The following SLIT1 variants were observed in gnomAD, a reference collection of about 807,000 sequenced individuals.
The protein encoded by SLIT1 is slit guidance ligand 1.
In SLIT1, 66 loss-of-function variants were observed where a neutral mutation model predicts 186.1. The observed-to-expected ratio is 0.35, with a 90% CI of 0.29 to 0.44. The LOEUF is 0.44. SLIT1 is among the 20% of genes least tolerant of loss of function. The pLI, the probability that SLIT1 is intolerant of heterozygous loss-of-function variation, is 1.00. For missense variants in SLIT1, 1,638 were observed against 2,037.4 expected, an observed-to-expected ratio of 0.80 and a Z score of 3.77; for synonymous variants, 761 against 833.8, an observed-to-expected ratio of 0.91 and a Z score of 1.50.
At position 97,043,187 on chromosome 10, in the gene SLIT1, C is replaced by A; in HGVS notation, c.1998-120G>T. ...CCACATGGCACTGTCTCCCAGACCA[C>A]CACCCATCACCAAGAGGACCGGCTC... On this transcript the variant is annotated intron_variant, in intron 19 of 36. Transcript: ENST00000266058. This position sits in a 1 kb window ranked among gnomAD's most constrained non-coding sequence, Gnocchi z 7.0. The A allele has an allele frequency of 1.5e-6, 2 of 1,322,622 alleles. No individual in the cohort carries two copies. Among genetic ancestry groups the A allele is most frequent in the Non-Finnish European group, 2.1e-6 (2 of 948,538 alleles). The allele number at this position is 1,322,622 out of a possible 1,614,324, so 81.9% of individuals were successfully genotyped here. A position where few individuals can be genotyped will look rare whatever the true frequency, so the allele number is the denominator to read the frequency against.
chr10:97,174,575 C>T (rs1362120830), intron 1 of SLIT1, among the ~76,000 whole-genome samples: 4 of 152,218 alleles, frequency 2.6e-5, no homozygotes, highest in Non-Finnish European at 4.4e-5. Context: ...CATGCCAGGG[C>T]CCATTTGCTG....
chr10:97,066,012 C>T lies in SLIT1; in HGVS notation c.485+3G>A, dbSNP rs1438370532. On this transcript the variant is annotated splice_donor_region_variant and intron_variant, in intron 5 of 36. Transcript: ENST00000266058. ...CCCTTCTCCCTCCCAGGCCTGTACT[C>T]ACAAATTTTTAAGGTCCGTAGCTCC... 6.3e-7 allele frequency: 1 copy of T among 1,599,434 alleles called. No homozygotes were observed. Among genetic ancestry groups the T allele is most frequent in the Non-Finnish European group, 8.5e-7 (1 of 1,171,460 alleles).
At chr10:97,042,101 C>G (rs1848695401) in intron 20 of SLIT1, among the ~76,000 whole-genome samples, 1 of 151,592 alleles carries the variant, frequency 6.6e-6, no homozygotes, top group South Asian at 2.1e-4. Flanking sequence ...TAGAAAATAC[C>G]CTGATGGTGT....
chr10:97,082,578 G>A (rs1282009279), intron 4 of SLIT1, among the ~76,000 whole-genome samples: 3 of 152,128 alleles, frequency 2.0e-5, no homozygotes, highest in African/African-American at 7.2e-5. Flanking sequence ...GGGACTACAG[G>A]CGCCCGCCAC....
intron 1 of SLIT1, among the ~76,000 whole-genome samples, chr10:97,168,133 T>C (rs531991305): frequency 6.6e-6 from 1 of 152,188 alleles, no homozygotes; most frequent in Non-Finnish European, 1.5e-5. Flanking sequence ...CAAGGTGACC[T>C]TAGTTTCTTT....
chr10:97,097,017 T>G (rs1419574967), intron 4 of SLIT1, among the ~76,000 whole-genome samples: 4 of 152,152 alleles, frequency 2.6e-5, no homozygotes, highest in African/African-American at 7.2e-5. Flanking sequence ...CCATTTTTTC[T>G]CAGGGATACT....
chr10:97,123,562 GGATCACTTGAGGTCAA>G (rs1395859418), intron 4 of SLIT1, among the ~76,000 whole-genome samples: 1 of 152,102 alleles, frequency 6.6e-6, no homozygotes, highest in African/African-American at 2.4e-5. Context: ...TGAGGCAGGT[GGATCACTTGAGGTCAA>G]GATCACTTTG....
rs143337934 is a variant in SLIT1, at chr10:97,155,291, T to G, written c.413+2527A>C. The G allele has an allele frequency of 8.2e-3, 1,251 of 152,612 alleles. 18 individuals carry two copies. Among genetic ancestry groups the G allele is most frequent in the African/African-American group, 0.029 (1,197 of 41,568 alleles). The allele number at this position is 152,612 out of a possible 1,614,324, so 9.5% of individuals were successfully genotyped here. A position where few individuals can be genotyped will look rare whatever the true frequency, so the allele number is the denominator to read the frequency against. ...TTGACTTTCTGCTTCCCAGGCCACCTTCCATTCCAGGGGGGATCCAGGTTT... is the reference window on the plus strand; with the variant it reads ...TTGACTTTCTGCTTCCCAGGCCACCGTCCATTCCAGGGGGGATCCAGGTTT... On this transcript the variant is annotated intron_variant, in intron 4 of 36. Transcript: ENST00000266058.
rs112669018 is a variant in SLIT1, at chr10:97,141,060, C to T, written c.413+16758G>A. 3.6e-3 allele frequency among the ~76,000 whole-genome samples: 546 copies of T among 152,272 alleles called. 5 individuals carry two copies. Among genetic ancestry groups the T allele is most frequent in the African/African-American group, 0.012 (504 of 41,564 alleles). ...TTCTTCCCTACTCGCAAGTCCTCCA[C>T]GGCTCCCTTGTCGGAGGCTCTGCAT... On this transcript the variant is annotated intron_variant, in intron 4 of 36. Coordinates refer to ENST00000266058, the MANE Select transcript of SLIT1 (RefSeq NM_003061.3).
At chr10:97,139,662 C>T (rs1049566291) in intron 4 of SLIT1, among the ~76,000 whole-genome samples, 1 of 152,158 alleles carries the variant, frequency 6.6e-6, no homozygotes, top group Non-Finnish European at 1.5e-5. Context: ...CCTCCAAAAA[C>T]CCCCAGGTAA....
At chr10:97,100,281 T>G (rs1849337462) in intron 4 of SLIT1, among the ~76,000 whole-genome samples, 1 of 151,242 alleles carries the variant, frequency 6.6e-6, no homozygotes, top group Admixed American at 6.6e-5. Flanking sequence ...ACAGCAGGAG[T>G]GGTTCACCTG....
Position 97,006,479 on chromosome 10 carries a change from G to A in SLIT1, c.3579+4C>T, listed in dbSNP as rs763408368. The A allele has an allele frequency of 6.8e-6, 11 of 1,606,176 alleles. No individual in the cohort carries two copies. The highest frequency in any genetic ancestry group is 1.6e-4 in the Middle Eastern group (1 of 6,064). On this transcript the variant is annotated splice_donor_region_variant and intron_variant, in intron 32 of 36. Transcript: ENST00000266058. The surrounding 1 kb of genome is among the most constrained non-coding windows in gnomAD (Gnocchi z 4.0). ...CCTCTGTGACCAAGCCCCCTGGCAC[G>A]CACCTGCAACGTGATGTTGGCCCGT...
At chr10:97,093,216 G>C (rs1261356339) in intron 4 of SLIT1, among the ~76,000 whole-genome samples, 1 of 152,232 alleles carries the variant, frequency 6.6e-6, no homozygotes, top group East Asian at 1.9e-4. Context: ...TGAGACCCTG[G>C]GAGGGCAGTG....
Position 97,158,115 on chromosome 10 carries a change from G to A in SLIT1, c.342-226C>T, listed in dbSNP as rs373254443. On this transcript the variant is annotated intron_variant, in intron 3 of 36. Coordinates refer to ENST00000266058, the MANE Select transcript of SLIT1 (RefSeq NM_003061.3). Reference sequence around the variant, plus strand: ...GGGAGGATAAGAACAGAGTGTCTGCGGAAGCCCCTCACCAGCACCTCTCCT... The same window carrying A: ...GGGAGGATAAGAACAGAGTGTCTGCAGAAGCCCCTCACCAGCACCTCTCCT... Among the ~76,000 whole-genome samples the A allele has an allele frequency of 1.8e-4, 28 of 152,198 alleles. No homozygotes were observed. The East Asian group carries it at 2.7e-3, about 15-fold the overall frequency.
At chr10:97,166,526 A>AAGAAGGAAGGAAGGAAGGAAG (rs397955164) in intron 1 of SLIT1, among the ~76,000 whole-genome samples, 1 of 40,094 alleles carries the variant, frequency 2.5e-5, no homozygotes, top group African/African-American at 7.0e-5. Context: ...CCAAAAAAAA[A>AAGAAGGAAGGAAGGAAGGAAG]GAAAGAAGGA....
chr10:97,041,099 CA>C lies in SLIT1; in HGVS notation c.2165-980del, dbSNP rs539811116. On this transcript the variant is annotated intron_variant, in intron 20 of 36. Transcript: ENST00000266058. ...TGCCTCCAGAACCTGCTCGATTGGC[CA>C]CCAGGCTCTCAGCAGCAACATCTTA... 6.5e-3 allele frequency among the ~76,000 whole-genome samples: 989 copies of C among 152,350 alleles called. 3 individuals carry two copies. Among genetic ancestry groups the C allele is most frequent in the Non-Finnish European group, 0.01 (710 of 68,030 alleles).
intron 14 of SLIT1, among the ~76,000 whole-genome samples, chr10:97,048,687 G>T (rs1013128665): frequency 3.9e-5 from 6 of 152,184 alleles, no homozygotes; most frequent in African/African-American, 1.2e-4. Context: ...AACATCAGGG[G>T]GTCCCTGAGC....
In SLIT1 at chr10:97,184,215, T is replaced by C. The variant is rs147830209; in HGVS notation, c.197+1263A>G. Among the ~76,000 whole-genome samples the C allele has an allele frequency of 6.6e-6, 1 of 152,242 alleles. No individual in the cohort carries two copies. Among genetic ancestry groups the C allele is most frequent in the Non-Finnish European group, 1.5e-5 (1 of 68,016 alleles). On this transcript the variant is annotated intron_variant, in intron 1 of 36. Transcript: ENST00000266058. The surrounding 1 kb of genome is among the most constrained non-coding windows in gnomAD (Gnocchi z 4.4). Reference sequence around the variant, plus strand: ...GGAGACAGCTCTCCTCAGGGTCAGATTTCTGTCTCTGACCAGCTGGGGGCC... The same window carrying C: ...GGAGACAGCTCTCCTCAGGGTCAGACTTCTGTCTCTGACCAGCTGGGGGCC...
In SLIT1 at chr10:97,034,482, C is replaced by A; in HGVS notation, c.2427G>T (p.Gln809His). The A allele has an allele frequency of 6.2e-7, 1 of 1,613,542 alleles. No homozygotes were observed. Among genetic ancestry groups the A allele is most frequent in the Non-Finnish European group, 8.5e-7 (1 of 1,179,566 alleles). ...LSNSSFTNMSQLTTLILSYNA... is the reference protein window; with the variant it reads ...LSNSSFTNMSHLTTLILSYNA... The stretch of plus-strand genomic sequence containing the variant: ...CTGCTGGGACTCACAGAGTGGTCAG[C>A]TGGCTCATGTTGGTGAAGGAGGAAT... The change falls in exon 23 of 37, where the codon CAG becomes CAT. Residue 809 changes from glutamine (Q) to histidine (H), a missense_variant. By Grantham distance (24) the Gln-to-His change is conservative. Coordinates refer to ENST00000266058, the MANE Select transcript of SLIT1 (RefSeq NM_003061.3).
Sources: gnomAD v4.1 joint callset for allele counts (sites outside exome capture counted in the v4.1 genomes callset) on GRCh38, gnomAD v4.1.1 for gene constraint, Gnocchi (gnomAD v3.1) non-coding constraint, MANE v1.5 for transcripts, NCBI Gene and HGNC (gene_info 2026-07-23, HGNC 2026-07-21) for gene names.